Variants in TLN1 observed in about 807,000 individuals in gnomAD.
TLN1 encodes talin 1, also known as talin-1.
In TLN1, 56 loss-of-function variants were observed where a neutral mutation model predicts 292.3. That is an observed-to-expected ratio of 0.19 (90% CI 0.15 to 0.24). The LOEUF is 0.24. Ranked by LOEUF, TLN1 falls within the 10% of genes least tolerant of loss-of-function variation. TLN1 has a pLI of 1.00. For missense variants in TLN1, 2,433 were observed against 3,248.2 expected, an observed-to-expected ratio of 0.75 and a Z score of 6.10; for synonymous variants, 1,119 against 1,253.7, an observed-to-expected ratio of 0.89 and a Z score of 2.27.
intron 48 of TLN1, among the ~76,000 whole-genome samples, chr9:35,702,937 G>A: frequency 6.6e-6 from 1 of 152,242 alleles, no homozygotes. Flanking sequence ...AGTGACTGGA[G>A]AAAGTGGGAG....
At chr9:35,731,192 G>A (rs1826073041) in intron 1 of TLN1, among the ~76,000 whole-genome samples, 1 of 152,074 alleles carries the variant, frequency 6.6e-6, no homozygotes, top group Non-Finnish European at 1.5e-5. Context: ...TACAAAAGAA[G>A]GGCATTTACC....
Position 35,724,872 on chromosome 9 carries a change from T to C in TLN1, c.316A>G (p.Lys106Glu). The change falls in exon 4 of 57, where the codon AAG becomes GAG. Residue 106 changes from lysine to glutamate, a missense_variant. Around this residue, in one of 7 missense-constraint regions of TLN1, gnomAD observed 155 missense variants for 287.9 expected, o/e 0.54. Coordinates refer to ENST00000314888, the MANE Select transcript of TLN1 (RefSeq NM_006289.4). This position sits in a 1 kb window ranked among gnomAD's most constrained non-coding sequence, Gnocchi z 4.7. ...TVKTIMVDDS[K>E]TVTDMLMTIC... ...GTCATGAGCATGTCAGTGACAGTCT[T>C]AGAGTCATCCACCATGATCGTCTTC... 1.2e-6 allele frequency: 2 copies of C among 1,614,176 alleles called. No homozygotes were observed. Among genetic ancestry groups the C allele is most frequent in the Non-Finnish European group, 1.7e-6 (2 of 1,180,022 alleles).
intron 26 of TLN1, 21 bp from the exon 27 acceptor site, chr9:35,713,064 A>G (rs1218562550): frequency 1.9e-6 from 3 of 1,584,888 alleles, no homozygotes; most frequent in Non-Finnish European, 2.6e-6. Context: ...GAGGAGAAAG[A>G]GGGAAGGGAA....
At position 35,724,536 on chromosome 9, in the gene TLN1, C is replaced by T. The variant is rs1825935409; in HGVS notation, c.511+36G>A. 2 of 1,600,756 alleles carry T rather than the reference C, an allele frequency of 1.2e-6. No homozygotes were observed. The highest frequency in any genetic ancestry group is 2.7e-5 in the African/African-American group (2 of 74,014). On this transcript the variant is annotated intron_variant, in intron 5 of 56. Coordinates refer to ENST00000314888, the MANE Select transcript of TLN1 (RefSeq NM_006289.4). This position sits in a 1 kb window ranked among gnomAD's most constrained non-coding sequence, Gnocchi z 4.7. ...TGCTGAAGCCCCTTCCCACCCTTCC[C>T]ATTTCAAAAGCCCTCTTTTTTCTAG... is the stretch of plus-strand genomic sequence containing the variant.
At chr9:35,705,524 G>C in intron 43 of TLN1, 27 bp downstream of exon 43, 2 of 1,549,642 alleles carry the variant, frequency 1.3e-6, no homozygotes, top group Admixed American at 3.8e-5. Context: ...GGGGCAGGGG[G>C]CAGGGCAGAG....
intron 43 of TLN1, 95 bp downstream of exon 43, chr9:35,705,456 T>C: frequency 3.8e-6 from 5 of 1,310,264 alleles, no homozygotes; most frequent in Non-Finnish European, 4.2e-6. Flanking sequence ...CCCCTTTCTA[T>C]GAAAGACCAG....
Position 35,698,604 on chromosome 9 carries a change from A to G in TLN1, c.7188+13T>C, listed in dbSNP as rs1198463640. 2 of 1,614,138 alleles carry G rather than the reference A, an allele frequency of 1.2e-6. No individual in the cohort carries two copies. ...CTCAAACTGAGAGAGACCTAGTGGT[A>G]TTGCACACTTACAGCAGAAATGAGG... On this transcript the variant is annotated intron_variant, in intron 54 of 56. Coordinates refer to ENST00000314888, the MANE Select transcript of TLN1 (RefSeq NM_006289.4). This position sits in a 1 kb window ranked among gnomAD's most constrained non-coding sequence, Gnocchi z 5.3.
At chr9:35,709,482 A>C (rs1298039027) in intron 33 of TLN1, among the ~76,000 whole-genome samples, 1 of 152,220 alleles carries the variant, frequency 6.6e-6, no homozygotes, top group East Asian at 1.9e-4. Context: ...TTCATATACT[A>C]AAGCAAAATA....
At position 35,698,577 on chromosome 9, in the gene TLN1, C is replaced by T. The variant is rs1317292681; in HGVS notation, c.7188+40G>A. The T allele has an allele frequency of 3.1e-6, 5 of 1,614,096 alleles. No homozygotes were observed. In the Admixed American group the frequency reaches 8.3e-5, roughly 27 times the overall value. ...CATCCCCACTCCAGCCTTCTCAAGTCTCTCAAACTGAGAGAGACCTAGTGG... is the reference window on the plus strand; with the variant it reads ...CATCCCCACTCCAGCCTTCTCAAGTTTCTCAAACTGAGAGAGACCTAGTGG... On this transcript the variant is annotated intron_variant, in intron 54 of 56. Coordinates refer to ENST00000314888, the MANE Select transcript of TLN1 (RefSeq NM_006289.4). The surrounding 1 kb of genome is among the most constrained non-coding windows in gnomAD (Gnocchi z 5.3).
At position 35,704,791 on chromosome 9, in the gene TLN1, C is replaced by G; in HGVS notation, c.5758G>C (p.Val1920Leu). The G allele has an allele frequency of 6.2e-7, 1 of 1,614,024 alleles. No individual in the cohort carries two copies. The highest frequency in any genetic ancestry group is 8.5e-7 in the Non-Finnish European group (1 of 1,179,948). ...GCACAGCCATGGCCCAGCTCCTGTA[C>G]CCGGTGTTTGATATGGGAACCTATC... The part of the protein sequence containing the change: ...EEIGSHIKHR[V>L]QELGHGCAAL... The change falls in exon 44 of 57, where the codon GTA (valine) becomes CTA (leucine). Residue 1920 changes from valine (V) to leucine (L), a missense_variant. By Grantham distance (32) the Val-to-Leu change is conservative. Transcript: ENST00000314888. This position sits in a 1 kb window ranked among gnomAD's most constrained non-coding sequence, Gnocchi z 6.9.
At chr9:35,721,979 A>AT (rs925337423) in intron 9 of TLN1, 140 bp downstream of exon 9, 1 of 1,140,254 alleles carries the variant, frequency 8.8e-7, no homozygotes, top group African/African-American at 1.5e-5. Context: ...GCAGGTTTTC[A>AT]TGAGGTCAGA....
Position 35,719,313 on chromosome 9 carries a change from G to C in TLN1, c.1688-31C>G, listed in dbSNP as rs1255060218. On this transcript the variant is annotated intron_variant, in intron 15 of 56. Transcript: ENST00000314888. The surrounding 1 kb of genome is among the most constrained non-coding windows in gnomAD (Gnocchi z 4.6). Reference sequence around the variant, plus strand: ...GGGAAAAGGAGAAAGAGGAACATGAGAGACAGGGCAGGCCAGACGAAGGGC... The same window carrying C: ...GGGAAAAGGAGAAAGAGGAACATGACAGACAGGGCAGGCCAGACGAAGGGC... 1 of 1,600,296 alleles carries C rather than the reference G, an allele frequency of 6.2e-7. No homozygotes were observed. The highest frequency in any genetic ancestry group is 1.7e-5 in the Admixed American group (1 of 58,896).
Position 35,700,224 on chromosome 9 carries a change from G to A in TLN1, c.6627C>T (p.Arg2209=), listed in dbSNP as rs1825440741. The stretch of plus-strand genomic sequence containing the variant: ...CCCGAAGCATATCTGCAATAGCACG[G>A]CGGCTCAGATTGGCTGTGGCAATGA... ...EDVIATANLS[R]RAIADMLRAC... Residue 2209 remains arginine, a synonymous_variant, in exon 49 of 57, where the codon CGC becomes CGT. Coordinates refer to ENST00000314888, the MANE Select transcript of TLN1 (RefSeq NM_006289.4). 6.2e-7 allele frequency: 1 copy of A among 1,610,922 alleles called. No homozygotes were observed. Among genetic ancestry groups the A allele is most frequent in the South Asian group, 1.1e-5 (1 of 91,036 alleles).
chr9:35,718,909 G>T lies in TLN1; in HGVS notation c.1898C>A (p.Pro633His), dbSNP rs1349952403. 2.5e-6 allele frequency: 4 copies of T among 1,611,838 alleles called. No homozygotes were observed. In the Admixed American group the frequency reaches 6.7e-5, roughly 27 times the overall value. Reference protein sequence around the residue: ...LRSAQPASAEPRQNLLQAAGN... With the variant: ...LRSAQPASAEHRQNLLQAAGN... ...AGCTGCTTGCAGCAGGTTCTGACGG[G>T]GCTGTGGAGAGTGAACACCAGTCAG... Residue 633 changes from proline to histidine, a missense_variant and splice_region_variant, in exon 17 of 57, where the codon CCC (proline) becomes CAC (histidine). This residue lies in a region of TLN1 where 617 missense variants were observed against 770.6 expected (regional missense o/e 0.80). Transcript: ENST00000314888.
chr9:35,716,465 C>T lies in TLN1; in HGVS notation c.2550G>A (p.Leu850=), dbSNP rs1261415077. The change falls in exon 20 of 57, where the codon CTG becomes CTA. Residue 850 remains leucine (L), a synonymous_variant. Transcript: ENST00000314888. ...CACTTAAGAGCTTGCGGGAGTTCTC[C>T]AGATCACTTTCCCCCTCAGCATCAG... ...IKADAEGESD[L]ENSRKLLSAA... is the part of the protein sequence containing the mutation. 1 of 1,614,100 alleles carries T rather than the reference C, an allele frequency of 6.2e-7. No homozygotes were observed. The highest frequency in any genetic ancestry group is 2.2e-5 in the East Asian group (1 of 44,900).
At position 35,704,855 on chromosome 9, in the gene TLN1, C is replaced by T; in HGVS notation, c.5734-40G>A. The T allele has an allele frequency of 6.2e-7, 1 of 1,600,838 alleles. No individual in the cohort carries two copies. Among genetic ancestry groups the T allele is most frequent in the East Asian group, 2.2e-5 (1 of 44,568 alleles). On this transcript the variant is annotated intron_variant, in intron 43 of 56. Coordinates refer to ENST00000314888, the MANE Select transcript of TLN1 (RefSeq NM_006289.4). This position sits in a 1 kb window ranked among gnomAD's most constrained non-coding sequence, Gnocchi z 6.9. The stretch of plus-strand genomic sequence containing the variant: ...AAAGACAGATGGATTTTACAAGGGG[C>T]ACTCAGGGTACCTTCACTGTGCTTG...
chr9:35,721,845 C>T, intron 9 of TLN1, 42 bp from the exon 10 acceptor site: 2 of 1,596,570 alleles, frequency 1.3e-6, no homozygotes, highest in South Asian at 1.1e-5. Flanking sequence ...GGTCAGAGGT[C>T]AAATGAGAGG....
In TLN1 at chr9:35,717,774, G is replaced by A; in HGVS notation, c.2008C>T (p.Gln670Ter). Residue 670 changes from glutamine to a stop codon, truncating the protein, a stop_gained, in exon 18 of 57, where the codon CAG becomes TAG. Coordinates refer to ENST00000314888, the MANE Select transcript of TLN1 (RefSeq NM_006289.4). LOFTEE classifies it high-confidence loss of function. This position sits in a 1 kb window ranked among gnomAD's most constrained non-coding sequence, Gnocchi z 4.7. The stretch of plus-strand genomic sequence containing the variant: ...GCACTTGCCACAGCTTTGGCGAGCT[G>A]CATTAGCGCATCCTGTGAGAAAACA... Reference protein sequence around the residue: ...TDPHFQDALMQLAKAVASAAA... With the variant: ...TDPHFQDALM 6.2e-7 allele frequency: 1 copy of A among 1,600,002 alleles called. No homozygotes were observed. Among genetic ancestry groups the A allele is most frequent in the East Asian group, 2.2e-5 (1 of 44,474 alleles).
rs1271735631 is a variant in TLN1, at chr9:35,704,658, A to G, written c.5880+11T>C. ...GGCAGTCCCACCATCTGCAGGGATG[A>G]GCACCGTCACCTTCTCAGAGACTCT... On this transcript the variant is annotated intron_variant, in intron 44 of 56. Coordinates refer to ENST00000314888, the MANE Select transcript of TLN1 (RefSeq NM_006289.4). The surrounding 1 kb of genome is among the most constrained non-coding windows in gnomAD (Gnocchi z 6.9). 6.2e-7 allele frequency: 1 copy of G among 1,613,648 alleles called. No individual in the cohort carries two copies. The highest frequency in any genetic ancestry group is 1.7e-5 in the Admixed American group (1 of 60,002).
Sources: allele counts gnomAD v4.1 joint callset (sites outside exome capture counted in the v4.1 genomes callset), GRCh38; gene constraint gnomAD v4.1.1; regional missense constraint gnomAD v4.1.1; non-coding constraint Gnocchi (gnomAD v3.1); transcripts MANE v1.5; gene names NCBI Gene and HGNC (gene_info 2026-07-23, HGNC 2026-07-21).